Variants in PLCL2 observed in about 807,000 individuals in gnomAD.
The protein encoded by PLCL2 is inactive phospholipase C-like protein 2.
PLCL2 carries 4 observed loss-of-function variants against 79.6 expected under a neutral mutation model. That is an observed-to-expected ratio of 0.05 (90% CI 0.02 to 0.11). The LOEUF is 0.11. PLCL2 is among the 10% of genes least tolerant of loss of function. PLCL2 has a pLI of 1.00. For missense variants in PLCL2, 895 were observed against 1,291.0 expected (o/e 0.69, Z 4.70); for synonymous variants, 484 against 457.7 (o/e 1.06, Z -0.73).
intron 5 of PLCL2, among the ~76,000 whole-genome samples, chr3:17,083,649 T>C (rs2065186563): frequency 6.6e-6 from 1 of 152,240 alleles, no homozygotes; most frequent in African/African-American, 2.4e-5. Flanking sequence ...AACCACAATG[T>C]TGGCAGTGAA....
intron 1 of PLCL2, among the ~76,000 whole-genome samples, chr3:16,952,355 T>A: frequency 7.3e-5 from 1 of 13,774 alleles, no homozygotes; most frequent in Non-Finnish European, 1.4e-4. Flanking sequence ...TCCCAGAACT[T>A]AAAGCAAAAA....
chr3:16,943,144 G>A (rs1044878947), intron 1 of PLCL2, among the ~76,000 whole-genome samples: 9 of 152,078 alleles, frequency 5.9e-5, no homozygotes, highest in African/African-American at 1.9e-4. Flanking sequence ...CTTCTGACAC[G>A]TTGACATAAA....
chr3:16,965,282 T>C (rs2063795543), intron 1 of PLCL2, among the ~76,000 whole-genome samples: 1 of 152,230 alleles, frequency 6.6e-6, no homozygotes, highest in Non-Finnish European at 1.5e-5. Context: ...AGGGAATCCT[T>C]TCTCCCGTTT....
chr3:17,028,435 G>A lies in PLCL2; in HGVS notation c.3018+13524G>A, dbSNP rs149754966. On this transcript the variant is annotated intron_variant, in intron 3 of 5. Coordinates refer to ENST00000615277, the MANE Select transcript of PLCL2 (RefSeq NM_001144382.2). ...TGCTATTCACCTCCTTCTTATACTC[G>A]TCACAACTTATAATTATACATTCAT... Among the ~76,000 whole-genome samples, 23 of 151,170 alleles carry A rather than the reference G, an allele frequency of 1.5e-4. 1 individual carries two copies. The East Asian group carries it at 3.7e-3, about 24-fold the overall frequency.
intron 3 of PLCL2, among the ~76,000 whole-genome samples, chr3:17,038,029 T>A (rs892704109): frequency 6.6e-6 from 1 of 152,206 alleles, no homozygotes; most frequent in Admixed American, 6.5e-5. Context: ...ATAAAAGGCA[T>A]ATCTGGTTTC....
intron 4 of PLCL2, among the ~76,000 whole-genome samples, chr3:17,048,844 G>A (rs964741310): frequency 6.6e-6 from 1 of 152,126 alleles, no homozygotes; most frequent in South Asian, 2.1e-4. Context: ...TAAACCTTAA[G>A]TAACACCATG....
chr3:16,920,174 C>T (rs909350129), intron 1 of PLCL2, among the ~76,000 whole-genome samples: 5 of 152,164 alleles, frequency 3.3e-5, no homozygotes, highest in Admixed American at 1.3e-4. Flanking sequence ...ATCTTCCACA[C>T]TGTTGCATGT....
At chr3:17,062,334 C>T (rs565777247) in intron 4 of PLCL2, among the ~76,000 whole-genome samples, 8 of 152,290 alleles carry the variant, frequency 5.3e-5, no homozygotes, top group African/African-American at 1.2e-4. Context: ...ATTCTGACTG[C>T]GAAATATATA....
intron 1 of PLCL2, among the ~76,000 whole-genome samples, chr3:16,930,767 C>T (rs982749614): frequency 1.3e-5 from 2 of 152,168 alleles, no homozygotes; most frequent in African/African-American, 4.8e-5. Context: ...ACCTGAACTC[C>T]AGCATGTCCC....
Position 16,992,686 on chromosome 3 carries a change from A to T in PLCL2, c.328-16988A>T, listed in dbSNP as rs550853519. On this transcript the variant is annotated intron_variant, in intron 1 of 5. Transcript: ENST00000615277. ...GTGGCCACATTGTCCTCCCCACAAG[A>T]TCCATGCCCATCAGAAGGAAATTCC... 5.9e-5 allele frequency among the ~76,000 whole-genome samples: 9 copies of T among 152,308 alleles called. No individual in the cohort carries two copies. The East Asian group carries it at 1.4e-3, about 23-fold the overall frequency.
At chr3:16,945,703 A>T (rs2063594100) in intron 1 of PLCL2, among the ~76,000 whole-genome samples, 1 of 152,194 alleles carries the variant, frequency 6.6e-6, no homozygotes, top group Non-Finnish European at 1.5e-5. Flanking sequence ...AGTGCTCAAT[A>T]AACAGTCTAA....
chr3:17,002,121 C>T (rs888003895), intron 1 of PLCL2, among the ~76,000 whole-genome samples: 10 of 151,950 alleles, frequency 6.6e-5, no homozygotes, highest in Admixed American at 5.2e-4. Context: ...TGATTGCTTT[C>T]TTGATTTCAC....
At chr3:17,083,652 G>A (rs922610424) in intron 5 of PLCL2, among the ~76,000 whole-genome samples, 1 of 152,230 alleles carries the variant, frequency 6.6e-6, no homozygotes, top group South Asian at 2.1e-4. Flanking sequence ...CACAATGTTG[G>A]CAGTGAAGAT....
At chr3:16,888,898 T>G (rs997166440) in intron 1 of PLCL2, among the ~76,000 whole-genome samples, 1 of 152,236 alleles carries the variant, frequency 6.6e-6, no homozygotes, top group East Asian at 1.9e-4. Flanking sequence ...AAATTCACAC[T>G]GGTTTGTGTC....
Position 17,012,125 on chromosome 3 carries a change from A to T in PLCL2, c.2779A>T (p.Ile927Leu), listed in dbSNP as rs774157865. 1 of 1,613,818 alleles carries T rather than the reference A, an allele frequency of 6.2e-7. No homozygotes were observed. Among genetic ancestry groups the T allele is most frequent in the Non-Finnish European group, 8.5e-7 (1 of 1,179,672 alleles). Residue 927 changes from isoleucine to leucine, a missense_variant, in exon 2 of 6, where the codon ATA becomes TTA. Ile to Leu is a conservative substitution (Grantham distance 5, BLOSUM62 2). Transcript: ENST00000615277. ...DEVFKNAQPPIRDATDLRENM... is the reference protein window; with the variant it reads ...DEVFKNAQPPLRDATDLRENM... ...GGTATTCAAGAATGCCCAGCCCCCT[A>T]TACGGGATGCCACAGATCTGAGAGA...
chr3:16,925,186 G>A (rs1202490332), intron 1 of PLCL2, among the ~76,000 whole-genome samples: 4 of 150,290 alleles, frequency 2.7e-5, no homozygotes, highest in Non-Finnish European at 5.9e-5. Flanking sequence ...GCCTCCCAAA[G>A]TGCTGGGATT....
chr3:16,954,537 T>C (rs1469166974), intron 1 of PLCL2, among the ~76,000 whole-genome samples: 1 of 152,288 alleles, frequency 6.6e-6, no homozygotes, highest in South Asian at 2.1e-4. Context: ...TTTGGGTATA[T>C]ACCCAGTAAT....
At chr3:16,970,876 G>T (rs2063855623) in intron 1 of PLCL2, among the ~76,000 whole-genome samples, 1 of 150,808 alleles carries the variant, frequency 6.6e-6, no homozygotes, top group South Asian at 2.1e-4. Context: ...AGAAGTGTCT[G>T]TTCATGTCCT....
chr3:16,903,053 G>T (rs774437542), intron 1 of PLCL2, among the ~76,000 whole-genome samples: 2 of 152,054 alleles, frequency 1.3e-5, no homozygotes, highest in African/African-American at 2.4e-5. Context: ...TTTGTTTTTC[G>T]TAGGAAAGGT....
Sources: allele counts gnomAD v4.1 joint callset (sites outside exome capture counted in the v4.1 genomes callset), GRCh38; gene constraint gnomAD v4.1.1; transcripts MANE v1.5; gene names NCBI Gene and HGNC (gene_info 2026-07-23, HGNC 2026-07-21).